TRIM5: variants seen among roughly 807,000 people sequenced by gnomAD.
TRIM5 encodes the protein tripartite motif-containing protein 5.
TRIM5 carries 31 observed loss-of-function variants against 35.6 expected under a neutral mutation model. That is an observed-to-expected ratio of 0.87 (90% CI 0.65 to 1.18). TRIM5 has a LOEUF of 1.18. Among genes scored for constraint, TRIM5 ranks in the 50% most tolerant of loss-of-function variants. The probability of loss-of-function intolerance (pLI) is 0.00; values close to 1 mark genes in which losing one functional copy is unlikely to be tolerated. For missense variants in TRIM5, 609 were observed against 591.6 expected (o/e 1.03, Z -0.31); for synonymous variants, 243 against 215.6 (o/e 1.13, Z -1.11).
chr11:5,603,222 T>G, the TRIM5 span: 5 of 1,602,616 alleles, frequency 3.1e-6, no homozygotes, highest in Non-Finnish European at 4.3e-6. Context: ...CCCTGATCCT[T>G]TTTTTGTTTG....
chr11:5,640,991 T>C, the TRIM5 span, among the ~76,000 whole-genome samples: 2 of 152,208 alleles, frequency 1.3e-5, no homozygotes, highest in East Asian at 3.8e-4. Context: ...ATATCCCATC[T>C]TTCATTCCTG....
At chr11:5,666,597 C>T (rs59396486) in intron 5 of TRIM5, among the ~76,000 whole-genome samples, 5 of 152,126 alleles carry the variant, frequency 3.3e-5, no homozygotes, top group African/African-American at 1.2e-4. Flanking sequence ...AAAGCTATTC[C>T]CAGCAGGGAG....
chr11:5,601,033 T>C, the TRIM5 span, among the ~76,000 whole-genome samples: 2 of 152,244 alleles, frequency 1.3e-5, no homozygotes, highest in Non-Finnish European at 2.9e-5. Flanking sequence ...ATAAAGGTCA[T>C]ATTTCTCAAT....
chr11:5,682,983 G>T (rs919016000), intron 1 of TRIM5, among the ~76,000 whole-genome samples: 2 of 152,230 alleles, frequency 1.3e-5, no homozygotes, highest in African/African-American at 4.8e-5. Context: ...TGCGCGCCGC[G>T]CTTGTGGGCC....
At chr11:5,677,500 TTGG>T (rs1486301397) in intron 4 of TRIM5, among the ~76,000 whole-genome samples, 2 of 152,242 alleles carry the variant, frequency 1.3e-5, no homozygotes, top group African/African-American at 2.4e-5. Flanking sequence ...TTTTACACTG[TTGG>T]TGGGACTGTA....
At chr11:5,603,462 A>G in the TRIM5 span, 1 of 1,614,104 alleles carries the variant, frequency 6.2e-7, no homozygotes, top group Admixed American at 1.7e-5. Flanking sequence ...TGATTGGTCA[A>G]GAAGGGGAAA....
rs192615309 is a variant in TRIM5, at chr11:5,683,722, C to T, written c.-62+1146G>A. On this transcript the variant is annotated intron_variant, in intron 1 of 7. Coordinates refer to ENST00000380034, the MANE Select transcript of TRIM5 (RefSeq NM_033034.3). ...AGCTAATCTAGTGGGGACTGGAGAACTTTTGTGTCTAGCTCAGGGATTGTA... is the reference window on the plus strand; with the variant it reads ...AGCTAATCTAGTGGGGACTGGAGAATTTTTGTGTCTAGCTCAGGGATTGTA... Among the ~76,000 whole-genome samples the T allele has an allele frequency of 5.8e-4, 88 of 152,120 alleles. No individual in the cohort carries two copies. In the East Asian group the frequency reaches 0.011, roughly 20 times the overall value.
At chr11:5,609,267 G>A in the TRIM5 span, among the ~76,000 whole-genome samples, 2 of 152,068 alleles carry the variant, frequency 1.3e-5, no homozygotes, top group Admixed American at 6.6e-5. Flanking sequence ...TGTACTCTCC[G>A]TTTGGAGGTG....
At chr11:5,608,318 G>C in the TRIM5 span, 1 of 1,608,856 alleles carries the variant, frequency 6.2e-7, no homozygotes, top group Non-Finnish European at 8.5e-7. Context: ...GGAGAAATGT[G>C]GATAAGGGCA....
chr11:5,666,044 G>GA lies in TRIM5; in HGVS notation c.804dup (p.Pro269SerfsTer12), dbSNP rs772863388. On this transcript the variant is annotated frameshift_variant, in exon 6 of 8. Transcript: ENST00000380034. LOFTEE classifies it high-confidence loss of function. The stretch of plus-strand genomic sequence containing the variant: ...CGAAACACTCTCCTTTGATTTTTTG[G>GA]AAAAGTTTCTGGCTTCTTCAAGGTC... 1.2e-6 allele frequency: 2 copies of GA among 1,608,136 alleles called. No homozygotes were observed. The highest frequency in any genetic ancestry group is 4.5e-5 in the East Asian group (2 of 44,376).
chr11:5,592,879 T>C, the TRIM5 span, among the ~76,000 whole-genome samples: 7 of 129,000 alleles, frequency 5.4e-5, no homozygotes, highest in South Asian at 1.2e-3. Context: ...ATTGTGCTAC[T>C]ACATGCCAGC....
intron 3 of TRIM5, 133 bp from the exon 4 acceptor site, chr11:5,678,567 G>A (rs1402729860): frequency 1.5e-6 from 1 of 659,982 alleles, no homozygotes; most frequent in Middle Eastern, 3.8e-4. Flanking sequence ...TCTTAGGAAA[G>A]CTGCCTTTTC....
chr11:5,605,322 T>TTTTCTG, the TRIM5 span: 2 of 1,613,832 alleles, frequency 1.2e-6, no homozygotes, highest in Non-Finnish European at 1.7e-6. Flanking sequence ...CTCTTTTTCT[T>TTTTCTG]CCCTGTTCCT....
the TRIM5 span, chr11:5,596,745 C>T: frequency 3.3e-6 from 4 of 1,199,162 alleles, no homozygotes; most frequent in Non-Finnish European, 4.8e-6. Flanking sequence ...CGGAACGGAA[C>T]GGAGCAGAGT....
intron 1 of TRIM5, among the ~76,000 whole-genome samples, chr11:5,683,716 G>A (rs999818864): frequency 2.0e-5 from 3 of 152,058 alleles, no homozygotes; most frequent in Non-Finnish European, 4.4e-5. Flanking sequence ...AGTGGGGACT[G>A]GAGAACTTTT....
chr11:5,596,279 G>A, the TRIM5 span: 1 of 153,994 alleles, frequency 6.5e-6, no homozygotes, highest in Admixed American at 6.5e-5. Flanking sequence ...TGGTTCACGG[G>A]TGAAAGAAGA....
chr11:5,649,614 T>C, the TRIM5 span, among the ~76,000 whole-genome samples: 1 of 152,204 alleles, frequency 6.6e-6, no homozygotes, highest in Non-Finnish European at 1.5e-5. Context: ...GTGGCTGTCT[T>C]AACTTCTAGT....
the TRIM5 span, among the ~76,000 whole-genome samples, chr11:5,624,308 GA>G: frequency 6.6e-6 from 1 of 152,096 alleles, no homozygotes; most frequent in Admixed American, 6.5e-5. Context: ...GATGAGTTTT[GA>G]AAAAGTTTTA....
chr11:5,600,093 T>C, the TRIM5 span, among the ~76,000 whole-genome samples: 1 of 152,224 alleles, frequency 6.6e-6, no homozygotes, highest in Non-Finnish European at 1.5e-5. Flanking sequence ...CAATTAGTAC[T>C]ACCAGTTAGA....
Sources: gnomAD v4.1 joint callset for allele counts (sites outside exome capture counted in the v4.1 genomes callset) on GRCh38, gnomAD v4.1.1 for gene constraint, MANE v1.5 for transcripts, NCBI Gene and HGNC (gene_info 2026-07-23, HGNC 2026-07-21) for gene names.